CREB5: variants seen among roughly 807,000 people sequenced by gnomAD.
The protein encoded by CREB5 is cyclic AMP-responsive element-binding protein 5.
CREB5 carries 19 observed loss-of-function variants against 57.1 expected under a neutral mutation model. The observed-to-expected ratio is 0.33, with a 90% CI of 0.23 to 0.49. The LOEUF (loss-of-function observed/expected upper bound fraction) is 0.49, where lower values mean the gene tolerates loss of function less well. Ranked by LOEUF, CREB5 falls within the 20% of genes least tolerant of loss-of-function variation. CREB5 has a pLI of 0.99. For synonymous variants in CREB5, 238 were observed against 238.3 expected (o/e 1.00, Z 0.01); for missense variants, 579 against 671.6 (o/e 0.86, Z 1.52).
At chr7:28,300,164 C>T (rs1191834992) in intron 1 of CREB5, among the ~76,000 whole-genome samples, 1 of 151,864 alleles carries the variant, frequency 6.6e-6, no homozygotes, top group Non-Finnish European at 1.5e-5. Flanking sequence ...AACTGTGACC[C>T]TCCATTACCC....
At chr7:28,361,635 C>A (rs1786485868) in intron 1 of CREB5, among the ~76,000 whole-genome samples, 3 of 152,194 alleles carry the variant, frequency 2.0e-5, no homozygotes, top group Admixed American at 2.0e-4. Context: ...TGCTTTCAAA[C>A]TCCATAGAGC....
chr7:28,737,570 TATATATA>T (rs1804088684), intron 7 of CREB5, among the ~76,000 whole-genome samples: 1 of 47,962 alleles, frequency 2.1e-5, no homozygotes. Flanking sequence ...TATATATATA[TATATATA>T]TATATATATA....
chr7:28,688,731 G>A (rs549785467), intron 5 of CREB5, among the ~76,000 whole-genome samples: 10 of 152,280 alleles, frequency 6.6e-5, no homozygotes, highest in African/African-American at 2.2e-4. Flanking sequence ...CCTTAACTAT[G>A]CCTATCTGTG....
At chr7:28,644,371 G>T (rs1399973380) in intron 5 of CREB5, among the ~76,000 whole-genome samples, 1 of 151,972 alleles carries the variant, frequency 6.6e-6, no homozygotes, top group Non-Finnish European at 1.5e-5. Context: ...ACCAGAGGAA[G>T]TGTTTTCAGA....
At chr7:28,660,413 A>G (rs976155393) in intron 5 of CREB5, among the ~76,000 whole-genome samples, 1 of 122,710 alleles carries the variant, frequency 8.1e-6, no homozygotes, top group East Asian at 2.3e-4. Flanking sequence ...AGCATGTACT[A>G]TGAGTTAGGC....
At chr7:28,446,819 A>G (rs952075964) in intron 1 of CREB5, among the ~76,000 whole-genome samples, 17 of 152,164 alleles carry the variant, frequency 1.1e-4, no homozygotes, top group African/African-American at 4.1e-4. Flanking sequence ...AACAAAAGTA[A>G]AAGAATAATT....
At chr7:28,634,095 A>G (rs1322484468) in intron 5 of CREB5, among the ~76,000 whole-genome samples, 2 of 152,196 alleles carry the variant, frequency 1.3e-5, no homozygotes, top group Non-Finnish European at 2.9e-5. Context: ...AGAAGTTGAC[A>G]GTGTTTCCTA....
intron 7 of CREB5, among the ~76,000 whole-genome samples, chr7:28,736,961 C>T (rs968306160): frequency 5.9e-5 from 9 of 151,792 alleles, no homozygotes; most frequent in African/African-American, 2.2e-4. Flanking sequence ...AACACAACCA[C>T]ACTGTAATCC....
At chr7:28,766,542 C>G (rs1206729152) in intron 7 of CREB5, among the ~76,000 whole-genome samples, 1 of 152,226 alleles carries the variant, frequency 6.6e-6, no homozygotes, top group Non-Finnish European at 1.5e-5. Flanking sequence ...TTAAACAGAT[C>G]TCTCAAATGC....
At chr7:28,310,437 G>T (rs1420298684) in intron 1 of CREB5, among the ~76,000 whole-genome samples, 2 of 152,210 alleles carry the variant, frequency 1.3e-5, no homozygotes, top group Admixed American at 1.3e-4. Flanking sequence ...GTCCTGGCTG[G>T]ACTATTAAAT....
chr7:28,655,937 C>G (rs906456018), intron 5 of CREB5, among the ~76,000 whole-genome samples: 4 of 151,976 alleles, frequency 2.6e-5, no homozygotes, highest in Admixed American at 2.6e-4. Flanking sequence ...TAATTAATCC[C>G]CATCAAGGCC....
intron 1 of CREB5, among the ~76,000 whole-genome samples, chr7:28,422,190 C>T (rs1180724332): frequency 6.6e-6 from 1 of 152,036 alleles, no homozygotes; most frequent in South Asian, 2.1e-4. Flanking sequence ...CAAGAGGATA[C>T]TATTTCTGAC....
chr7:28,322,206 C>T (rs1057427751), intron 1 of CREB5, among the ~76,000 whole-genome samples: 1 of 152,092 alleles, frequency 6.6e-6, no homozygotes, highest in African/African-American at 2.4e-5. Flanking sequence ...GAACAATTGG[C>T]TCCTTGGGTA....
intron 5 of CREB5, among the ~76,000 whole-genome samples, chr7:28,658,953 G>GTATATATATA (rs72106956): frequency 1.1e-3 from 110 of 99,432 alleles, no homozygotes; most frequent in South Asian, 3.3e-3. Context: ...GTGTGTGTGT[G>GTATATATATA]TATATATATA....
chr7:28,591,231 T>C (rs1796502287), intron 5 of CREB5, among the ~76,000 whole-genome samples: 1 of 152,210 alleles, frequency 6.6e-6, no homozygotes, highest in Non-Finnish European at 1.5e-5. Flanking sequence ...TTCTGGGTCT[T>C]CCTTTGTAGC....
intron 5 of CREB5, among the ~76,000 whole-genome samples, chr7:28,618,902 A>C (rs766693492): frequency 2.0e-4 from 30 of 152,262 alleles, no homozygotes; most frequent in Non-Finnish European, 4.1e-4. Flanking sequence ...TCTTCAAGTT[A>C]ACAGCAGGCA....
At chr7:28,751,748 ATGT>A (rs1276141319) in intron 7 of CREB5, among the ~76,000 whole-genome samples, 2 of 152,200 alleles carry the variant, frequency 1.3e-5, no homozygotes, top group East Asian at 3.9e-4. Flanking sequence ...CATTGGTGCA[ATGT>A]TATTAACTAA....
intron 1 of CREB5, among the ~76,000 whole-genome samples, chr7:28,336,516 C>G (rs2127987904): frequency 6.6e-6 from 1 of 151,856 alleles, no homozygotes; most frequent in African/African-American, 2.4e-5. Flanking sequence ...AAGATCTTTT[C>G]AATTTTTCTG....
intron 4 of CREB5, among the ~76,000 whole-genome samples, chr7:28,549,111 T>A (rs999215224): frequency 6.6e-6 from 1 of 152,208 alleles, no homozygotes; most frequent in Admixed American, 6.5e-5. Flanking sequence ...TAGAATCGAA[T>A]TGGACACCAC....
Sources: allele counts gnomAD v4.1 joint callset (sites outside exome capture counted in the v4.1 genomes callset), GRCh38; gene constraint gnomAD v4.1.1; transcripts MANE v1.5; gene names NCBI Gene and HGNC (gene_info 2026-07-23, HGNC 2026-07-21).